The following DNAJC9 variants were observed in gnomAD, a reference collection of about 807,000 sequenced individuals.
DNAJC9 encodes DnaJ heat shock protein family (Hsp40) member C9.
A neutral mutation model predicts 32.4 loss-of-function variants in DNAJC9; 18 were observed. The ratio of observed to expected loss-of-function variants is 0.56; its 90% confidence interval spans 0.38 to 0.82. DNAJC9 has a LOEUF of 0.82. Ranked by LOEUF, DNAJC9 falls within the 40% of genes least tolerant of loss-of-function variation. The pLI is 0.00. For missense variants in DNAJC9, 310 were observed against 321.8 expected, an observed-to-expected ratio of 0.96 and a Z score of 0.28; for synonymous variants, 113 against 122.1, an observed-to-expected ratio of 0.93 and a Z score of 0.49.
At chr10:73,234,608 G>GTA (rs1257431955), downstream of DNAJC9, 3 of 557,624 alleles carry the variant, frequency 5.4e-6, no homozygotes, top group Non-Finnish European at 9.5e-6. Context: ...TGTACCCAGA[G>GTA]TATAGAGCTT....
chr10:73,234,794 G>T, downstream of DNAJC9: 1 of 1,550,094 alleles, frequency 6.5e-7, no homozygotes, highest in African/African-American at 1.4e-5. Context: ...TCATACCTTC[G>T]TGTTTGTTGG....
chr10:73,243,494 T>C lies in DNAJC9; in HGVS notation c.689A>G (p.Glu230Gly). 6 of 1,614,188 alleles carry C rather than the reference T, an allele frequency of 3.7e-6. No individual in the cohort carries two copies. Among genetic ancestry groups the C allele is most frequent in the Non-Finnish European group, 5.1e-6 (6 of 1,180,032 alleles). Residue 230 changes from glutamate to glycine, a missense_variant, in exon 5 of 5, where the codon GAA becomes GGA. Physicochemically the swap from Glu to Gly is moderately conservative, Grantham distance 98 (BLOSUM62 -2). Coordinates refer to ENST00000372950, the MANE Select transcript of DNAJC9 (RefSeq NM_015190.5). ...IQSRQKDRQK[E>G]MDNFLAQMEA... The stretch of plus-strand genomic sequence containing the variant: ...CATCTGAGCCAGAAAATTGTCCATT[T>C]CCTTTTGCCGATCCTTTTGTCTGCT...
chr10:73,243,867 C>T lies in DNAJC9; in HGVS notation c.639G>A (p.Val213=), dbSNP rs1444221779. The change falls in exon 4 of 5, where the codon GTG becomes GTA. Residue 213 remains valine (V), a synonymous_variant. Transcript: ENST00000372950. The stretch of plus-strand genomic sequence containing the variant: ...CCTGAATGGCTGCCTTCAGGCTATC[C>T]ACGCCTTCATCAAGCCCCAACTCCT... ...SRKELGLDEG[V]DSLKAAIQSR... is the part of the protein sequence containing the mutation. The T allele has an allele frequency of 4.3e-6, 7 of 1,614,088 alleles. No homozygotes were observed. The highest frequency in any genetic ancestry group is 5.9e-6 in the Non-Finnish European group (7 of 1,180,004).
At chr10:73,238,280 G>A (rs1040593405), downstream of DNAJC9, among the ~76,000 whole-genome samples, 21 of 152,338 alleles carry the variant, frequency 1.4e-4, no homozygotes, top group Middle Eastern at 3.4e-3. Context: ...CCAGGAGGCA[G>A]AGGTTGCAGT....
chr10:73,234,957 T>C (rs1401835214), downstream of DNAJC9: 3 of 1,551,456 alleles, frequency 1.9e-6, no homozygotes, highest in East Asian at 2.4e-5. Flanking sequence ...TTCTTTCATA[T>C]TGCCTCTCCA....
intron 2 of DNAJC9, among the ~76,000 whole-genome samples, chr10:73,233,688 G>A (rs770465718): frequency 7.9e-5 from 12 of 152,164 alleles, no homozygotes; most frequent in Non-Finnish European, 1.6e-4. Flanking sequence ...TCTTTCTGTT[G>A]ATCTAGCTAA....
At chr10:73,240,444 G>T (rs1425421597), downstream of DNAJC9, among the ~76,000 whole-genome samples, 1 of 152,176 alleles carries the variant, frequency 6.6e-6, no homozygotes, top group Non-Finnish European at 1.5e-5. Flanking sequence ...TGGGCGTGGT[G>T]GCTCATGCCT....
At chr10:73,233,300 G>T (rs1340936980) in intron 2 of DNAJC9, 2 of 655,898 alleles carry the variant, frequency 3.0e-6, no homozygotes, top group Non-Finnish European at 5.2e-6. Flanking sequence ...TTGCCCATGG[G>T]TTTAGATCCA....
Position 73,246,154 on chromosome 10 carries a change from G to A in DNAJC9, c.344C>T (p.Ala115Val). 6.2e-7 allele frequency: 1 copy of A among 1,612,802 alleles called. No individual in the cohort carries two copies. The highest frequency in any genetic ancestry group is 8.5e-7 in the Non-Finnish European group (1 of 1,179,678). The part of the protein sequence containing the change: ...FKKISLEDIQ[A>V]FEKTYKGSEE... ...CGAACCTTTGTATGTCTTTTCAAAA[G>A]CTTGAATGTCCTCTAAAGATATCTG... Residue 115 changes from alanine (A) to valine (V), a missense_variant, in exon 3 of 5, where the codon GCT becomes GTT. Transcript: ENST00000372950.
chr10:73,241,166 A>G, downstream of DNAJC9: 2 of 633,686 alleles, frequency 3.2e-6, no homozygotes, highest in South Asian at 3.5e-5. Context: ...ACCGAAGAAC[A>G]AAACACCATA....
At position 73,242,736 on chromosome 10, in the gene DNAJC9, T is replaced by C. The variant is rs1031042162; in HGVS notation, c.*664A>G. 6.6e-6 allele frequency: 1 copy of C among 152,220 alleles called. No individual in the cohort carries two copies. The highest frequency in any genetic ancestry group is 1.5e-5 in the Non-Finnish European group (1 of 68,048). The allele number at this position is 152,220 out of a possible 1,614,324, so 9.4% of individuals were successfully genotyped here. On this transcript the variant is annotated 3_prime_UTR_variant, in exon 5 of 5. Transcript: ENST00000372950. ...TCTATTATAAAGCTGACCAGGGCTA[T>C]TGTTTTCCCCTTTTCTCTCATCCTA... is the stretch of plus-strand genomic sequence containing the variant.
rs763949660 is a variant in DNAJC9 at position 73,243,375 on chromosome 10, A to C, written c.*25T>G. 6.2e-7 allele frequency: 1 copy of C among 1,611,848 alleles called. No homozygotes were observed. The highest frequency in any genetic ancestry group is 1.7e-5 in the Admixed American group (1 of 60,000). ...CTACGATGGCATCAATTTACACCTA[A>C]GGACCTTTGAAGAGAAAAATTCCAT... On this transcript the variant is annotated 3_prime_UTR_variant, in exon 5 of 5. Coordinates refer to ENST00000372950, the MANE Select transcript of DNAJC9 (RefSeq NM_015190.5).
In DNAJC9 at chr10:73,246,038, T is replaced by C. The variant is rs2044003448; in HGVS notation, c.460A>G (p.Thr154Ala). Residue 154 changes from threonine (T) to alanine (A), a missense_variant, in exon 3 of 5, where the codon ACA (threonine) becomes GCA (alanine). Transcript: ENST00000372950. ...IMESVLCVQY[T>A]EEPRIRNIIQ... Reference sequence around the variant, plus strand: ...ATATTCCTTATCCTGGGTTCCTCTGTGTACTGCACGCAAAGCACAGACTCC... The same window carrying C: ...ATATTCCTTATCCTGGGTTCCTCTGCGTACTGCACGCAAAGCACAGACTCC... 1.2e-6 allele frequency: 2 copies of C among 1,613,808 alleles called. No homozygotes were observed. Among genetic ancestry groups the C allele is most frequent in the Non-Finnish European group, 8.5e-7 (1 of 1,179,868 alleles).
chr10:73,239,035 A>G, downstream of DNAJC9: 1 of 312,692 alleles, frequency 3.2e-6, no homozygotes, highest in Non-Finnish European at 5.9e-6. Context: ...TAACTGAAAT[A>G]TTAAACCATA....
downstream of DNAJC9, among the ~76,000 whole-genome samples, chr10:73,237,917 G>A (rs571042666): frequency 3.3e-5 from 5 of 151,952 alleles, no homozygotes; most frequent in East Asian, 9.7e-4. Flanking sequence ...ATTGCCTTAG[G>A]AATAAAACTG....
In DNAJC9 at chr10:73,242,982, T is replaced by A; in HGVS notation, c.*418A>T. ...AAGACCAAATGTAAACTGGGAAGTA[T>A]GTGGAAGATAGCTGTCCAGCAAGTG... On this transcript the variant is annotated 3_prime_UTR_variant, in exon 5 of 5. Coordinates refer to ENST00000372950, the MANE Select transcript of DNAJC9 (RefSeq NM_015190.5). The A allele has an allele frequency of 5.9e-6, 1 of 170,524 alleles. No homozygotes were observed. Among genetic ancestry groups the A allele is most frequent in the Admixed American group, 5.8e-5 (1 of 17,338 alleles). The allele number at this position is 170,524 out of a possible 1,614,324, so 10.6% of individuals were successfully genotyped here. A position where few individuals can be genotyped will look rare whatever the true frequency, so the allele number is the denominator to read the frequency against.
downstream of DNAJC9, chr10:73,235,206 A>C (rs1387983270): frequency 6.4e-7 from 1 of 1,551,532 alleles, no homozygotes; most frequent in Admixed American, 2.0e-5. Context: ...CCCCATGGCG[A>C]CTCTAGTCGA....
rs1344063866 is a variant in DNAJC9, at chr10:73,245,919, T to G, written c.576+3A>C. 1 of 1,610,260 alleles carries G rather than the reference T, an allele frequency of 6.2e-7. No individual in the cohort carries two copies. Among genetic ancestry groups the G allele is most frequent in the Admixed American group, 1.7e-5 (1 of 58,510 alleles). On this transcript the variant is annotated splice_donor_region_variant and intron_variant, in intron 3 of 4. Coordinates refer to ENST00000372950, the MANE Select transcript of DNAJC9 (RefSeq NM_015190.5). ...TATAAATCCACAGTATTCAAAATCT[T>G]ACCCTCCTTTTCCTTGCATTCATCT...
chr10:73,243,336 T>C lies in DNAJC9; in HGVS notation c.*64A>G. On this transcript the variant is annotated 3_prime_UTR_variant, in exon 5 of 5. Transcript: ENST00000372950. ...TGAATTGACTTTTGCCTTCAAATCC[T>C]GCCTGCACCTTGCCTACGATGGCAT... 6.3e-7 allele frequency: 1 copy of C among 1,593,918 alleles called. No homozygotes were observed. Among genetic ancestry groups the C allele is most frequent in the Admixed American group, 1.7e-5 (1 of 59,090 alleles).
Sources: allele counts gnomAD v4.1 joint callset (sites outside exome capture counted in the v4.1 genomes callset), GRCh38; gene constraint gnomAD v4.1.1; transcripts MANE v1.5; gene names NCBI Gene and HGNC (gene_info 2026-07-23, HGNC 2026-07-21).